Variants in TAOK1 observed in about 807,000 individuals in gnomAD.
The protein encoded by TAOK1 is TAO kinase 1, also known as serine/threonine-protein kinase TAO1.
TAOK1 carries 21 observed loss-of-function variants against 138.3 expected under a neutral mutation model. The ratio of observed to expected loss-of-function variants is 0.15; its 90% confidence interval spans 0.11 to 0.22. The LOEUF (loss-of-function observed/expected upper bound fraction) is 0.22. Ranked by LOEUF, TAOK1 falls within the 10% of genes least tolerant of loss-of-function variation. The pLI, the probability that TAOK1 is intolerant of heterozygous loss-of-function variation, is 1.00. For missense variants in TAOK1, 651 were observed against 1,227.7 expected, an observed-to-expected ratio of 0.53 and a Z score of 7.02; for synonymous variants, 361 against 398.4, an observed-to-expected ratio of 0.91 and a Z score of 1.12.
chr17:29,502,344 C>T (rs780141713), intron 12 of TAOK1, among the ~76,000 whole-genome samples: 7 of 152,104 alleles, frequency 4.6e-5, no homozygotes, highest in Non-Finnish European at 1.0e-4. Context: ...GTAGGCAGAT[C>T]GTTTGAGCTT....
intron 17 of TAOK1, 39 bp from the exon 18 acceptor site, chr17:29,530,368 C>T (rs145378265): frequency 6.3e-5 from 99 of 1,572,324 alleles, no homozygotes; most frequent in Non-Finnish European, 7.2e-5. Context: ...AAATGCCTTT[C>T]GTTACAACTT....
chr17:29,466,247 G>A lies in TAOK1; in HGVS notation c.133-898G>A, dbSNP rs953499816. Among the ~76,000 whole-genome samples the A allele has an allele frequency of 9.9e-5, 15 of 152,174 alleles. No individual in the cohort carries two copies. In the East Asian group the frequency reaches 2.1e-3, roughly 22 times the overall value. The stretch of plus-strand genomic sequence containing the variant: ...CAGTCTCCGACTCCCAGTTTCAAGC[G>A]ATTCTCCTGTCTCAGCCTCCCAAGT... On this transcript the variant is annotated intron_variant, in intron 2 of 19. Coordinates refer to ENST00000261716, the MANE Select transcript of TAOK1 (RefSeq NM_020791.4).
At chr17:29,452,860 A>G (rs1290012966) in intron 2 of TAOK1, among the ~76,000 whole-genome samples, 3 of 152,196 alleles carry the variant, frequency 2.0e-5, no homozygotes, top group African/African-American at 7.2e-5. Flanking sequence ...ATATTAAACC[A>G]TAATTTGTTT....
At chr17:29,496,542 G>T (rs2031417034) in intron 11 of TAOK1, among the ~76,000 whole-genome samples, 1 of 138,384 alleles carries the variant, frequency 7.2e-6, no homozygotes, top group East Asian at 2.5e-4. Context: ...GCATTCGACT[G>T]TGTCACCAAA....
chr17:29,394,150 G>GGTTTTTT (rs1904513941), intron 1 of TAOK1, among the ~76,000 whole-genome samples: 1 of 48,246 alleles, frequency 2.1e-5, no homozygotes, highest in Non-Finnish European at 3.6e-5. Context: ...TAATTTGCCA[G>GGTTTTTT]TTTTTTTTTT....
chr17:29,416,095 T>C (rs1050612218), intron 1 of TAOK1, among the ~76,000 whole-genome samples: 8 of 152,000 alleles, frequency 5.3e-5, no homozygotes, highest in Non-Finnish European at 1.2e-4. Flanking sequence ...AAACCCCATC[T>C]CTACTAAAAA....
At chr17:29,408,959 C>T (rs1000622085) in intron 1 of TAOK1, among the ~76,000 whole-genome samples, 4 of 151,664 alleles carry the variant, frequency 2.6e-5, no homozygotes, top group African/African-American at 7.3e-5. Flanking sequence ...GCAGTCCACC[C>T]GCCTCAGCCT....
At chr17:29,516,365 C>T (rs1325354023) in intron 15 of TAOK1, among the ~76,000 whole-genome samples, 1 of 151,424 alleles carries the variant, frequency 6.6e-6, no homozygotes, top group African/African-American at 2.4e-5. Context: ...GACTGGGTTT[C>T]ACTCTGTCAC....
intron 18 of TAOK1, among the ~76,000 whole-genome samples, chr17:29,533,598 G>A (rs928891433): frequency 1.7e-4 from 26 of 152,038 alleles, no homozygotes; most frequent in Non-Finnish European, 2.9e-5. Flanking sequence ...TGGCACCTCG[G>A]GAGGCGGAGG....
At position 29,549,671 on chromosome 17, in the gene TAOK1, C is replaced by T. The variant is rs1286603403; in HGVS notation, c.*6649C>T. On this transcript the variant is annotated 3_prime_UTR_variant, in exon 20 of 20. Transcript: ENST00000261716. The stretch of plus-strand genomic sequence containing the variant: ...GGGTGGTCTATGTGACCATTTGTCT[C>T]GTATCCAAAAACCCCGGGGCTATTG... 1.3e-5 allele frequency: 2 copies of T among 152,114 alleles called. No individual in the cohort carries two copies. Among genetic ancestry groups the T allele is most frequent in the Non-Finnish European group, 2.9e-5 (2 of 68,016 alleles). The allele number at this position is 152,114 out of a possible 1,614,324, so 9.4% of individuals were successfully genotyped here.
chr17:29,453,169 T>TC (rs1449318961), intron 2 of TAOK1, among the ~76,000 whole-genome samples: 1 of 150,800 alleles, frequency 6.6e-6, no homozygotes, highest in East Asian at 1.9e-4. Context: ...TTTTTTTTTT[T>TC]TTTTTTTTGA....
chr17:29,466,153 G>A (rs1321759592), intron 2 of TAOK1, among the ~76,000 whole-genome samples: 1 of 151,982 alleles, frequency 6.6e-6, no homozygotes, highest in South Asian at 2.1e-4. Flanking sequence ...TTGCATTCCT[G>A]TGTGTTTTGT....
At chr17:29,494,811 G>C (rs1450598922) in intron 10 of TAOK1, among the ~76,000 whole-genome samples, 2 of 144,972 alleles carry the variant, frequency 1.4e-5, no homozygotes, top group Non-Finnish European at 3.0e-5. Flanking sequence ...GGGCAACAGA[G>C]GGAGACTCCG....
intron 1 of TAOK1, among the ~76,000 whole-genome samples, chr17:29,404,865 A>C (rs1904950574): frequency 1.3e-5 from 2 of 152,214 alleles, no homozygotes; most frequent in Admixed American, 1.3e-4. Flanking sequence ...CTGTATTTTA[A>C]CATAAATTTT....
At chr17:29,394,513 A>G (rs560221115) in intron 1 of TAOK1, among the ~76,000 whole-genome samples, 32 of 152,254 alleles carry the variant, frequency 2.1e-4, no homozygotes, top group Middle Eastern at 3.4e-3. Context: ...TCCAGAAGAT[A>G]TCTAGGGGTC....
intron 14 of TAOK1, among the ~76,000 whole-genome samples, chr17:29,509,036 TATA>T (rs1286060395): frequency 2.0e-5 from 3 of 152,184 alleles, no homozygotes; most frequent in Non-Finnish European, 2.9e-5. Context: ...AGAACATTCT[TATA>T]GTAGTAGGGA....
intron 1 of TAOK1, among the ~76,000 whole-genome samples, chr17:29,436,658 A>C (rs1157486719): frequency 6.6e-6 from 1 of 152,232 alleles, no homozygotes; most frequent in Non-Finnish European, 1.5e-5. Flanking sequence ...GGTTATCTCC[A>C]TGGTTTACAA....
rs542523444 is a variant in TAOK1 at position 29,417,797 on chromosome 17, T to A, written c.-95+26773T>A. Among the ~76,000 whole-genome samples, 3 of 152,344 alleles carry A rather than the reference T, an allele frequency of 2.0e-5. No homozygotes were observed. In the East Asian group the frequency reaches 5.8e-4, roughly 29 times the overall value. On this transcript the variant is annotated intron_variant, in intron 1 of 19. Transcript: ENST00000261716. ...CCAGACCCTGCCACTGGAAACCCAG[T>A]TACGGCTTTTAAAATTTTTTCTTAA...
chr17:29,498,485 A>G lies in TAOK1; in HGVS notation c.1167A>G (p.Thr389=). ...SELDMMEGDH[T]VMSNSSVIHL... is the part of the protein sequence containing the mutation. Reference sequence around the variant, plus strand: ...TAGACATGATGGAGGGAGACCACACAGTGATGTCTAACAGTTCTGTTATCC... The same window carrying G: ...TAGACATGATGGAGGGAGACCACACGGTGATGTCTAACAGTTCTGTTATCC... The change falls in exon 12 of 20, where the codon ACA becomes ACG. Residue 389 remains threonine, a synonymous_variant. Coordinates refer to ENST00000261716, the MANE Select transcript of TAOK1 (RefSeq NM_020791.4). 3 of 1,614,248 alleles carry G rather than the reference A, an allele frequency of 1.9e-6. No homozygotes were observed. Among genetic ancestry groups the G allele is most frequent in the Non-Finnish European group, 2.5e-6 (3 of 1,180,034 alleles).
Sources: gnomAD v4.1 joint callset for allele counts (sites outside exome capture counted in the v4.1 genomes callset) on GRCh38, gnomAD v4.1.1 for gene constraint, MANE v1.5 for transcripts, NCBI Gene and HGNC (gene_info 2026-07-23, HGNC 2026-07-21) for gene names.